The following CACNA1A variants were observed in gnomAD, a reference collection of about 807,000 sequenced individuals.
CACNA1A encodes the protein voltage-dependent P/Q-type calcium channel subunit alpha-1A.
Under a neutral mutation model 262.4 loss-of-function variants are expected in CACNA1A, and 57 were observed. The ratio of observed to expected loss-of-function variants is 0.22; its 90% CI spans 0.18 to 0.27. The LOEUF (loss-of-function observed/expected upper bound fraction) is 0.27. CACNA1A is among the 10% of genes least tolerant of loss of function. The pLI is 1.00. For missense variants in CACNA1A, 2,526 were observed against 3,562.8 expected, an observed-to-expected ratio of 0.71 and a Z score of 7.41; for synonymous variants, 1,431 against 1,419.3, an observed-to-expected ratio of 1.01 and a Z score of -0.18.
At chr19:13,391,712 C>A (rs1043096466) in intron 3 of CACNA1A, among the ~76,000 whole-genome samples, 5 of 152,138 alleles carry the variant, frequency 3.3e-5, no homozygotes, top group Non-Finnish European at 7.4e-5. Flanking sequence ...GCCTAGGCAA[C>A]AAAGTGAGAC....
intron 31 of CACNA1A, among the ~76,000 whole-genome samples, chr19:13,239,217 C>A (rs968879697): frequency 1.3e-5 from 2 of 152,132 alleles, no homozygotes; most frequent in African/African-American, 4.8e-5. Flanking sequence ...TCCCCTTCTG[C>A]CTTCTTCGGC....
intron 5 of CACNA1A, chr19:13,363,324 C>G (rs2059145599): frequency 1.3e-5 from 2 of 151,906 alleles, no homozygotes. Context: ...CTCTCTCTCT[C>G]TCTCTCTCTC....
intron 3 of CACNA1A, among the ~76,000 whole-genome samples, chr19:13,416,373 G>T (rs2060222191): frequency 6.6e-6 from 1 of 152,160 alleles, no homozygotes; most frequent in African/African-American, 2.4e-5. Context: ...AAAGTGTTGG[G>T]ATTACAGGCG....
rs1983031878 is a variant in CACNA1A, at chr19:13,506,276, ACGCCG to A, written c.-57_-53del. On this transcript the variant is annotated 5_prime_UTR_variant, in exon 1 of 47. Transcript: ENST00000360228. Reference sequence around the variant, plus strand: ...TACGCTGCGGCGAACGATGCGGAAGACGCCGCCGCCGCCGCCGCCGCCGCTGATGC... The same window carrying A: ...TACGCTGCGGCGAACGATGCGGAAGACCGCCGCCGCCGCCGCCGCTGATGC... 1.5e-6 allele frequency: 2 copies of A among 1,354,592 alleles called. No individual in the cohort carries two copies. Among genetic ancestry groups the A allele is most frequent in the South Asian group, 1.7e-5 (1 of 57,870 alleles). 83.9% of individuals were successfully genotyped at this position (1,354,592 alleles called of 1,614,324 possible).
At chr19:13,276,002 A>G (rs1341832793) in intron 23 of CACNA1A, 46 bp from the exon 24 acceptor site, 7 of 1,322,916 alleles carry the variant, frequency 5.3e-6, no homozygotes, top group Non-Finnish European at 7.6e-6. Flanking sequence ...CCTGATCCCC[A>G]CCCTGGGGTG....
intron 22 of CACNA1A, among the ~76,000 whole-genome samples, chr19:13,278,818 TG>T (rs953985732): frequency 6.6e-6 from 1 of 152,184 alleles, no homozygotes; most frequent in African/African-American, 2.4e-5. Context: ...CTTATATTCC[TG>T]TTATATGTGG....
chr19:13,462,461 C>A (rs566073963), intron 1 of CACNA1A, among the ~76,000 whole-genome samples: 40 of 152,316 alleles, frequency 2.6e-4, no homozygotes, highest in African/African-American at 9.1e-4. Context: ...GTCCATTAAA[C>A]ACATACCCCA....
chr19:13,349,500 T>C (rs1296350992), intron 6 of CACNA1A, among the ~76,000 whole-genome samples: 3 of 152,082 alleles, frequency 2.0e-5, no homozygotes, highest in Non-Finnish European at 2.9e-5. Context: ...GCACATAGGG[T>C]GAGGGGGTCC....
chr19:13,304,853 T>C (rs1363821271), intron 15 of CACNA1A, among the ~76,000 whole-genome samples: 5 of 152,198 alleles, frequency 3.3e-5, no homozygotes, highest in Admixed American at 6.5e-5. Flanking sequence ...AAATGTTTCC[T>C]GTATAAGCCA....
intron 30 of CACNA1A, 52 bp from the exon 31 acceptor site, chr19:13,245,317 G>C: frequency 6.8e-7 from 1 of 1,467,946 alleles, no homozygotes; most frequent in African/African-American, 1.4e-5. Context: ...TTGGTTCCCG[G>C]CCCCCTAGGC....
intron 24 of CACNA1A, among the ~76,000 whole-genome samples, chr19:13,268,302 G>A (rs1029024520): frequency 6.6e-6 from 1 of 152,142 alleles, no homozygotes; most frequent in African/African-American, 2.4e-5. Context: ...CAGGCTTGGG[G>A]CTCATTAGGC....
In CACNA1A at chr19:13,327,344, TG is replaced by T. The variant is rs1184548241; in HGVS notation, c.1345+2899del. Among the ~76,000 whole-genome samples the T allele has an allele frequency of 7.2e-5, 11 of 151,796 alleles. No individual in the cohort carries two copies. In the East Asian group the frequency reaches 2.2e-3, roughly 30 times the overall value. On this transcript the variant is annotated intron_variant, in intron 10 of 46. Coordinates refer to ENST00000360228, the MANE Select transcript of CACNA1A (RefSeq NM_001127222.2). ...GTAATCAGGCTGATGAGGTGGGTTT[TG>T]GTGGATTTGCCTGTAGCAAACGTGG...
intron 3 of CACNA1A, among the ~76,000 whole-genome samples, chr19:13,375,409 T>G (rs552560058): frequency 6.6e-6 from 1 of 152,212 alleles, no homozygotes; most frequent in South Asian, 2.1e-4. Flanking sequence ...GGCCTTTAAG[T>G]GCTCAAGTGA....
Position 13,212,222 on chromosome 19 carries a change from G to A in CACNA1A, c.6190-6C>T, listed in dbSNP as rs1217280998. On this transcript the variant is annotated splice_region_variant and splice_polypyrimidine_tract_variant and intron_variant, in intron 42 of 46. Coordinates refer to ENST00000360228, the MANE Select transcript of CACNA1A (RefSeq NM_001127222.2). This position sits in a 1 kb window ranked among gnomAD's most constrained non-coding sequence, Gnocchi z 5.6. ...ATCTCTCGCATCTCCACGGACTGCG[G>A]AGCAGATGGCAAAGCCAGATGAGCT... 1 of 1,612,370 alleles carries A rather than the reference G, an allele frequency of 6.2e-7. No individual in the cohort carries two copies. The highest frequency in any genetic ancestry group is 8.5e-7 in the Non-Finnish European group (1 of 1,178,508).
intron 1 of CACNA1A, among the ~76,000 whole-genome samples, chr19:13,505,523 C>T (rs1310827057): frequency 1.3e-5 from 2 of 152,140 alleles, no homozygotes; most frequent in Non-Finnish European, 2.9e-5. Context: ...ACCAAGGCCC[C>T]CATAGTTCCC....
chr19:13,291,101 C>T (rs893848885), intron 19 of CACNA1A, among the ~76,000 whole-genome samples: 5 of 152,116 alleles, frequency 3.3e-5, no homozygotes, highest in Admixed American at 1.3e-4. Context: ...TTTGAAGCTG[C>T]ACCCCTACCC....
intron 2 of CACNA1A, among the ~76,000 whole-genome samples, chr19:13,454,708 G>C (rs1461621529): frequency 6.6e-6 from 1 of 152,088 alleles, no homozygotes; most frequent in African/African-American, 2.4e-5. Flanking sequence ...GTTCATTTGA[G>C]TATACTGCCT....
At chr19:13,473,362 C>G (rs993685635) in intron 1 of CACNA1A, among the ~76,000 whole-genome samples, 2 of 152,084 alleles carry the variant, frequency 1.3e-5, no homozygotes, top group African/African-American at 4.8e-5. Context: ...ACAAGCCAAT[C>G]AAGCCAATGT....
intron 36 of CACNA1A, 26 bp from the exon 37 acceptor site, chr19:13,227,553 C>G: frequency 7.4e-7 from 1 of 1,342,560 alleles, no homozygotes; most frequent in Non-Finnish European, 1.0e-6. Context: ...ATGAAAAAAA[C>G]AAAAACAAAA....
Sources: gnomAD v4.1 joint callset for allele counts (sites outside exome capture counted in the v4.1 genomes callset) on GRCh38, gnomAD v4.1.1 for gene constraint, Gnocchi (gnomAD v3.1) non-coding constraint, MANE v1.5 for transcripts, NCBI Gene and HGNC (gene_info 2026-07-23, HGNC 2026-07-21) for gene names.